Variants in GALNT18 observed in about 807,000 individuals in gnomAD.
The protein encoded by GALNT18 is polypeptide N-acetylgalactosaminyltransferase 18.
A neutral mutation model predicts 69.5 loss-of-function variants in GALNT18; 44 were observed. The ratio of observed to expected loss-of-function variants is 0.63; its 90% CI spans 0.50 to 0.81. The LOEUF (loss-of-function observed/expected upper bound fraction) is 0.81. Ranked by LOEUF, GALNT18 falls within the 40% of genes least tolerant of loss-of-function variation. GALNT18 has a pLI of 0.00. For synonymous variants in GALNT18, 364 were observed against 318.2 expected, an observed-to-expected ratio of 1.14 and a Z score of -1.53; for missense variants, 715 against 810.0, an observed-to-expected ratio of 0.88 and a Z score of 1.42.
Position 11,356,090 on chromosome 11 carries a change from G to A in GALNT18, c.1093-15086C>T, listed in dbSNP as rs909702136. ...CACCTACAGCACTAGAAAAAAATGT[G>A]CTCACAGGTACCCTGCCCTTTGCAT... is the stretch of plus-strand genomic sequence containing the variant. On this transcript the variant is annotated intron_variant, in intron 6 of 10. Coordinates refer to ENST00000227756, the MANE Select transcript of GALNT18 (RefSeq NM_198516.3). This position sits in a 1 kb window ranked among gnomAD's most constrained non-coding sequence, Gnocchi z 4.4. 2.0e-5 allele frequency among the ~76,000 whole-genome samples: 3 copies of A among 152,214 alleles called. No homozygotes were observed. Among genetic ancestry groups the A allele is most frequent in the African/African-American group, 7.2e-5 (3 of 41,440 alleles).
rs552686571 is a variant in GALNT18 at position 11,493,865 on chromosome 11, ACCC to A, written c.236-44932_236-44930del. ...GGAATTTTCCCCCTTTCCTTCACCA[ACCC>A]GCTCCTGTCCCAGCGTGTGGCAGCA... On this transcript the variant is annotated intron_variant, in intron 1 of 10. Transcript: ENST00000227756. Among the ~76,000 whole-genome samples, 14 of 152,014 alleles carry A rather than the reference ACCC, an allele frequency of 9.2e-5. No individual in the cohort carries two copies. In the East Asian group the frequency reaches 9.7e-4, roughly 10 times the overall value.
intron 2 of GALNT18, among the ~76,000 whole-genome samples, chr11:11,443,722 C>T (rs769564149): frequency 6.6e-6 from 1 of 152,238 alleles, no homozygotes; most frequent in South Asian, 2.1e-4. Context: ...TGAACCCCTG[C>T]CCAGTCCTGG....
At position 11,564,295 on chromosome 11, in the gene GALNT18, C is replaced by A. The variant is rs1024492010; in HGVS notation, c.235+57064G>T. Reference sequence around the variant, plus strand: ...GCACCTGACTCTCTGTCAAGCCTCCCCTTCAGGTCCTAGAATGACAGGCAC... The same window carrying A: ...GCACCTGACTCTCTGTCAAGCCTCCACTTCAGGTCCTAGAATGACAGGCAC... On this transcript the variant is annotated intron_variant, in intron 1 of 10. Transcript: ENST00000227756. This position sits in a 1 kb window ranked among gnomAD's most constrained non-coding sequence, Gnocchi z 4.3. Among the ~76,000 whole-genome samples the A allele has an allele frequency of 6.6e-6, 1 of 152,184 alleles. No homozygotes were observed. The highest frequency in any genetic ancestry group is 1.5e-5 in the Non-Finnish European group (1 of 68,040).
In GALNT18 at chr11:11,601,160, T is replaced by A. The variant is rs1483851498; in HGVS notation, c.235+20199A>T. ...CAGGTCCCCTGAAAGACAATTTCTA[T>A]GATCTGCTTTGATGTCTCTTAAATT... is the stretch of plus-strand genomic sequence containing the variant. On this transcript the variant is annotated intron_variant, in intron 1 of 10. Coordinates refer to ENST00000227756, the MANE Select transcript of GALNT18 (RefSeq NM_198516.3). The surrounding 1 kb of genome is among the most constrained non-coding windows in gnomAD (Gnocchi z 4.0). Among the ~76,000 whole-genome samples, 2 of 152,248 alleles carry A rather than the reference T, an allele frequency of 1.3e-5. No homozygotes were observed. The highest frequency in any genetic ancestry group is 4.8e-5 in the African/African-American group (2 of 41,474).
At chr11:11,289,647 C>T (rs564365500) in intron 10 of GALNT18, among the ~76,000 whole-genome samples, 70 of 152,270 alleles carry the variant, frequency 4.6e-4, no homozygotes, top group African/African-American at 1.1e-3. Flanking sequence ...GCCACAGCCC[C>T]AAGGCATCTA....
At chr11:11,292,647 A>G (rs1268019799) in intron 10 of GALNT18, among the ~76,000 whole-genome samples, 1 of 152,190 alleles carries the variant, frequency 6.6e-6, no homozygotes, top group Non-Finnish European at 1.5e-5. Context: ...GTGAAGGTTT[A>G]AAGTCAGAAA....
intron 1 of GALNT18, among the ~76,000 whole-genome samples, chr11:11,504,438 A>G (rs1407941090): frequency 1.1e-5 from 1 of 94,826 alleles, no homozygotes; most frequent in Non-Finnish European, 2.4e-5. Flanking sequence ...CTTATTGAAA[A>G]GAAAAAAAAA....
intron 1 of GALNT18, among the ~76,000 whole-genome samples, chr11:11,552,436 G>C (rs1590092378): frequency 1.3e-5 from 2 of 152,322 alleles, no homozygotes; most frequent in East Asian, 3.9e-4. Flanking sequence ...GCAGGCCCTG[G>C]TTTGATACCT....
intron 9 of GALNT18, among the ~76,000 whole-genome samples, chr11:11,311,133 T>C (rs1849666739): frequency 6.6e-6 from 1 of 152,192 alleles, no homozygotes; most frequent in African/African-American, 2.4e-5. Context: ...CTACATTGAA[T>C]AGGACAGTCC....
intron 2 of GALNT18, among the ~76,000 whole-genome samples, chr11:11,441,879 A>G (rs1183324928): frequency 6.6e-6 from 1 of 152,206 alleles, no homozygotes; most frequent in Non-Finnish European, 1.5e-5. Flanking sequence ...ACTTTAGTAT[A>G]GTGACAGCAG....
At chr11:11,355,348 T>G (rs1850508319) in intron 6 of GALNT18, among the ~76,000 whole-genome samples, 1 of 152,122 alleles carries the variant, frequency 6.6e-6, no homozygotes, top group Admixed American at 6.6e-5. Context: ...TTCCTCAAAT[T>G]CATATGCTGA....
At chr11:11,492,899 T>C (rs534079637) in intron 1 of GALNT18, among the ~76,000 whole-genome samples, 65 of 147,734 alleles carry the variant, frequency 4.4e-4, no homozygotes, top group African/African-American at 1.5e-3. Flanking sequence ...ATCCCAGAAC[T>C]TAAAGTAAAT....
intron 1 of GALNT18, among the ~76,000 whole-genome samples, chr11:11,561,021 T>C (rs1387468188): frequency 6.6e-6 from 1 of 152,210 alleles, no homozygotes; most frequent in Non-Finnish European, 1.5e-5. Flanking sequence ...TTGATGGCAT[T>C]TTAACGAAAA....
chr11:11,426,550 T>C (rs1855134607), intron 3 of GALNT18, among the ~76,000 whole-genome samples: 1 of 152,240 alleles, frequency 6.6e-6, no homozygotes, highest in Admixed American at 6.5e-5. Context: ...GGCACTATTC[T>C]AGGTGCTGGA....
intron 1 of GALNT18, among the ~76,000 whole-genome samples, chr11:11,502,190 G>A (rs139228829): frequency 4.6e-5 from 7 of 152,314 alleles, no homozygotes; most frequent in African/African-American, 1.4e-4. Context: ...TGAATAAGAT[G>A]TATCTCTAAG....
At chr11:11,447,965 G>A (rs1855696264) in intron 2 of GALNT18, among the ~76,000 whole-genome samples, 1 of 152,174 alleles carries the variant, frequency 6.6e-6, no homozygotes, top group Non-Finnish European at 1.5e-5. Context: ...ATCCTCAGCT[G>A]CTCTTTCATC....
chr11:11,352,495 A>G, intron 6 of GALNT18: 1 of 1,614,166 alleles, frequency 6.2e-7, no homozygotes, highest in Non-Finnish European at 8.5e-7. Context: ...CTATAATCGT[A>G]CATCTGATAG....
At chr11:11,609,363 G>A (rs890877088) in intron 1 of GALNT18, among the ~76,000 whole-genome samples, 1 of 152,178 alleles carries the variant, frequency 6.6e-6, no homozygotes, top group African/African-American at 2.4e-5. Flanking sequence ...TGCCACAGGG[G>A]CTTTGCACTG....
intron 10 of GALNT18, among the ~76,000 whole-genome samples, chr11:11,285,487 C>T (rs73415670): frequency 0.03 from 4,544 of 152,206 alleles, 231 homozygotes; most frequent in African/African-American, 0.1. Flanking sequence ...AGCCATCACA[C>T]CTAGTCCCGG....
Sources: allele counts gnomAD v4.1 joint callset (sites outside exome capture counted in the v4.1 genomes callset), GRCh38; gene constraint gnomAD v4.1.1; non-coding constraint Gnocchi (gnomAD v3.1); transcripts MANE v1.5; gene names NCBI Gene and HGNC (gene_info 2026-07-23, HGNC 2026-07-21).